HS2ST1: variants seen among roughly 807,000 people sequenced by gnomAD.
HS2ST1 encodes 2-O-sulfotransferase.
In HS2ST1, 18 loss-of-function variants were observed where a neutral mutation model predicts 42.9. The observed-to-expected ratio is 0.42, with a 90% CI of 0.29 to 0.62. The LOEUF (loss-of-function observed/expected upper bound fraction) is 0.62. Ranked by LOEUF, HS2ST1 falls within the 20% of genes least tolerant of loss-of-function variation. The probability of loss-of-function intolerance (pLI) is 0.21; values close to 1 mark genes in which losing one functional copy is unlikely to be tolerated. For synonymous variants in HS2ST1, 146 were observed against 152.9 expected, an observed-to-expected ratio of 0.95 and a Z score of 0.33; for missense variants, 334 against 433.8, an observed-to-expected ratio of 0.77 and a Z score of 2.04.
Position 87,107,319 on chromosome 1 carries a change from G to A in HS2ST1, c.*2623G>A, listed in dbSNP as rs991559643. ...CCAGGTGGGCATGGTTTATTTCCCAGTTTAACAGTTCAGAATAGGGGCATT... is the reference window on the plus strand; with the variant it reads ...CCAGGTGGGCATGGTTTATTTCCCAATTTAACAGTTCAGAATAGGGGCATT... On this transcript the variant is annotated 3_prime_UTR_variant, in exon 7 of 7. Coordinates refer to ENST00000370550, the MANE Select transcript of HS2ST1 (RefSeq NM_012262.4). 6.6e-6 allele frequency: 1 copy of A among 151,938 alleles called. No individual in the cohort carries two copies. The highest frequency in any genetic ancestry group is 1.5e-5 in the Non-Finnish European group (1 of 67,908). 9.4% of individuals were successfully genotyped at this position (151,938 alleles called of 1,614,324 possible).
At chr1:86,993,641 T>A (rs552761988) in intron 1 of HS2ST1, among the ~76,000 whole-genome samples, 1 of 152,324 alleles carries the variant, frequency 6.6e-6, no homozygotes, top group Non-Finnish European at 1.5e-5. Context: ...ATTTTTAGAT[T>A]TTTAGTTGAG....
intron 3 of HS2ST1, among the ~76,000 whole-genome samples, chr1:87,088,448 A>G (rs931390609): frequency 3.9e-5 from 6 of 152,086 alleles, no homozygotes; most frequent in African/African-American, 1.2e-4. Context: ...GTGTACTTCG[A>G]TTGATCCATT....
intron 1 of HS2ST1, among the ~76,000 whole-genome samples, chr1:87,036,934 T>C (rs1031032065): frequency 2.8e-4 from 42 of 152,288 alleles, no homozygotes; most frequent in Middle Eastern, 3.4e-3. Flanking sequence ...AAGGATAAGC[T>C]CCAAATATCT....
rs139160109 is a variant in HS2ST1 at position 87,001,128 on chromosome 1, T to G, written c.125-71806T>G. On this transcript the variant is annotated intron_variant, in intron 1 of 6. Coordinates refer to ENST00000370550, the MANE Select transcript of HS2ST1 (RefSeq NM_012262.4). ...GCTGAAAAATGAGAGCAAAAATATT[T>G]TAAAATCTTTATTTTTCCAAAATGC... is the stretch of plus-strand genomic sequence containing the variant. Among the ~76,000 whole-genome samples, 1,411 of 152,280 alleles carry G rather than the reference T, an allele frequency of 9.3e-3. 20 individuals are homozygous for G. The highest frequency in any genetic ancestry group is 0.033 in the African/African-American group (1,365 of 41,558).
intron 1 of HS2ST1, among the ~76,000 whole-genome samples, chr1:86,976,720 ATTT>A (rs1553134343): frequency 7.1e-6 from 1 of 139,876 alleles, no homozygotes; most frequent in African/African-American, 2.5e-5. Flanking sequence ...ATATATATAT[ATTT>A]TAAATGCCCA....
chr1:86,941,475 TA>T (rs371974532), intron 1 of HS2ST1, among the ~76,000 whole-genome samples: 3,406 of 149,898 alleles, frequency 0.023, 62 homozygotes, highest in African/African-American at 0.046. Context: ...TCTACATTTA[TA>T]AAAAAAAAAT....
intron 1 of HS2ST1, among the ~76,000 whole-genome samples, chr1:87,014,721 C>G (rs76912231): frequency 0.025 from 3,762 of 152,300 alleles, 49 homozygotes; most frequent in South Asian, 0.054. Context: ...AAGGCCATCA[C>G]AACTTTACTC....
chr1:86,951,151 T>C (rs1239289270), intron 1 of HS2ST1, among the ~76,000 whole-genome samples: 1 of 152,220 alleles, frequency 6.6e-6, no homozygotes, highest in Non-Finnish European at 1.5e-5. Context: ...TAATGGCAAA[T>C]TGGGAATGCA....
chr1:86,988,473 C>T (rs1648853549), intron 1 of HS2ST1, among the ~76,000 whole-genome samples: 1 of 152,228 alleles, frequency 6.6e-6, no homozygotes, highest in Non-Finnish European at 1.5e-5. Flanking sequence ...TTTTGACAAA[C>T]TGTCCAGTGC....
intron 1 of HS2ST1, among the ~76,000 whole-genome samples, chr1:86,923,497 C>T (rs904512164): frequency 5.3e-5 from 8 of 151,610 alleles, no homozygotes; most frequent in African/African-American, 1.9e-4. Context: ...CTTGGGTTCA[C>T]GCCATTCTCC....
chr1:86,999,914 C>T (rs1057114924), intron 1 of HS2ST1, among the ~76,000 whole-genome samples: 1 of 152,084 alleles, frequency 6.6e-6, no homozygotes, highest in Non-Finnish European at 1.5e-5. Flanking sequence ...AAAATATGTT[C>T]TTGGAATGCC....
intron 1 of HS2ST1, among the ~76,000 whole-genome samples, chr1:87,017,125 CTT>C (rs1649781836): frequency 6.6e-6 from 1 of 151,826 alleles, no homozygotes; most frequent in South Asian, 2.1e-4. Context: ...GTGTAGCAGC[CTT>C]TCTCTCTCTC....
intron 5 of HS2ST1, among the ~76,000 whole-genome samples, chr1:87,102,418 C>T (rs6671040): frequency 0.027 from 4,129 of 152,164 alleles, 196 homozygotes; most frequent in African/African-American, 0.093. Context: ...TCAGTCATCA[C>T]CAAGGGGATG....
At chr1:86,973,825 A>G (rs964015485) in intron 1 of HS2ST1, among the ~76,000 whole-genome samples, 3 of 152,236 alleles carry the variant, frequency 2.0e-5, no homozygotes, top group African/African-American at 4.8e-5. Flanking sequence ...TATGATATGT[A>G]GAATTCATAA....
intron 1 of HS2ST1, chr1:86,993,254 C>T: frequency 1.2e-5 from 14 of 1,182,708 alleles, no homozygotes; most frequent in Non-Finnish European, 1.6e-5. Flanking sequence ...AATCTAAAAA[C>T]TGATAATAGG....
chr1:87,003,203 G>A (rs1464083828), intron 1 of HS2ST1, among the ~76,000 whole-genome samples: 2 of 152,158 alleles, frequency 1.3e-5, no homozygotes, highest in African/African-American at 2.4e-5. Context: ...GATTAAAGTA[G>A]AACATAAGAT....
At chr1:86,933,708 T>G (rs1660587722) in intron 1 of HS2ST1, among the ~76,000 whole-genome samples, 1 of 61,296 alleles carries the variant, frequency 1.6e-5, no homozygotes, top group Non-Finnish European at 3.5e-5. Context: ...GCCTTGTAAT[T>G]TTTTTTTTTT....
chr1:86,914,939 C>A lies in HS2ST1; in HGVS notation c.-98C>A. On this transcript the variant is annotated 5_prime_UTR_variant, in exon 1 of 7. Coordinates refer to ENST00000370550, the MANE Select transcript of HS2ST1 (RefSeq NM_012262.4). Reference sequence around the variant, plus strand: ...TCTCGCTGTCGCTCTCTCTTTGCCTCGCTCCCGGCTCGGCGGGCTCCTCCC... The same window carrying A: ...TCTCGCTGTCGCTCTCTCTTTGCCTAGCTCCCGGCTCGGCGGGCTCCTCCC... 4 of 1,494,448 alleles carry A rather than the reference C, an allele frequency of 2.7e-6. No homozygotes were observed. The East Asian group carries it at 6.8e-5, about 25-fold the overall frequency. 92.6% of individuals were successfully genotyped at this position (1,494,448 alleles called of 1,614,324 possible).
intron 1 of HS2ST1, among the ~76,000 whole-genome samples, chr1:86,997,473 C>A (rs904680383): frequency 7.0e-6 from 1 of 143,874 alleles, no homozygotes; most frequent in African/African-American, 2.6e-5. Context: ...ATATATTCAC[C>A]TGTGTAAATT....
Sources: gnomAD v4.1 joint callset for allele counts (sites outside exome capture counted in the v4.1 genomes callset) on GRCh38, gnomAD v4.1.1 for gene constraint, MANE v1.5 for transcripts, NCBI Gene and HGNC (gene_info 2026-07-23, HGNC 2026-07-21) for gene names.